GAB2: variants seen among roughly 807,000 people sequenced by gnomAD.
GAB2 encodes the protein GRB2-associated-binding protein 2.
GAB2 carries 26 observed loss-of-function variants against 65.5 expected under a neutral mutation model. The ratio of observed to expected loss-of-function variants is 0.40; its 90% CI spans 0.29 to 0.55. The LOEUF (loss-of-function observed/expected upper bound fraction) is 0.55, where lower values mean the gene tolerates loss of function less well. Among genes scored for constraint, GAB2 ranks in the 20% least tolerant of loss-of-function variants. The probability of loss-of-function intolerance (pLI) is 0.53; values close to 1 mark genes in which losing one functional copy is unlikely to be tolerated. For missense variants in GAB2, 884 were observed against 875.8 expected (o/e 1.01, Z -0.12); for synonymous variants, 321 against 329.6 (o/e 0.97, Z 0.28).
chr11:78,349,092 C>A (rs1369761318), intron 1 of GAB2, among the ~76,000 whole-genome samples: 1 of 152,176 alleles, frequency 6.6e-6, no homozygotes, highest in African/African-American at 2.4e-5. Flanking sequence ...TCTACATCTT[C>A]AATGTAGTAC....
intron 1 of GAB2, among the ~76,000 whole-genome samples, chr11:78,394,083 T>C (rs1182478924): frequency 2.6e-5 from 4 of 152,098 alleles, no homozygotes; most frequent in Non-Finnish European, 5.9e-5. Context: ...GGTCAAGAGA[T>C]CAAGACCATC....
At chr11:78,317,403 T>C (rs1251624238) in intron 1 of GAB2, among the ~76,000 whole-genome samples, 1 of 151,802 alleles carries the variant, frequency 6.6e-6, no homozygotes, top group African/African-American at 2.4e-5. Context: ...CTACTAAAAA[T>C]ACAAAAATTA....
In GAB2 at chr11:78,219,226, C is replaced by G; in HGVS notation, c.*46G>C. 6.3e-7 allele frequency: 1 copy of G among 1,585,406 alleles called. No homozygotes were observed. Among genetic ancestry groups the G allele is most frequent in the South Asian group, 1.1e-5 (1 of 89,628 alleles). ...GAGGGGAGAGGGGAGATGGGAAGGGCCAGCTCTGGAGATGCTGCCTCCTGG... is the reference window on the plus strand; with the variant it reads ...GAGGGGAGAGGGGAGATGGGAAGGGGCAGCTCTGGAGATGCTGCCTCCTGG... On this transcript the variant is annotated 3_prime_UTR_variant, in exon 10 of 10. Coordinates refer to ENST00000361507, the MANE Select transcript of GAB2 (RefSeq NM_080491.3).
intron 1 of GAB2, among the ~76,000 whole-genome samples, chr11:78,333,968 C>T (rs913411407): frequency 6.6e-6 from 1 of 152,126 alleles, no homozygotes; most frequent in Non-Finnish European, 1.5e-5. Flanking sequence ...ACCAAGTACT[C>T]CTAGACTGGC....
intron 1 of GAB2, among the ~76,000 whole-genome samples, chr11:78,352,030 G>A (rs1018429106): frequency 2.0e-5 from 3 of 152,092 alleles, no homozygotes; most frequent in Admixed American, 2.0e-4. Flanking sequence ...TGGGCAGCAC[G>A]GTGAAACCCC....
intron 1 of GAB2, among the ~76,000 whole-genome samples, chr11:78,390,792 A>G (rs1163474823): frequency 1.3e-5 from 2 of 152,242 alleles, no homozygotes; most frequent in African/African-American, 4.8e-5. Context: ...CACAGATACC[A>G]ATGTAGATAT....
At chr11:78,332,980 C>T (rs1855940862) in intron 1 of GAB2, among the ~76,000 whole-genome samples, 2 of 152,058 alleles carry the variant, frequency 1.3e-5, no homozygotes, top group Admixed American at 1.3e-4. Context: ...CTGGTGTATC[C>T]CCTATAGCAG....
chr11:78,337,020 C>A (rs1856014480), intron 1 of GAB2, among the ~76,000 whole-genome samples: 1 of 152,186 alleles, frequency 6.6e-6, no homozygotes, highest in African/African-American at 2.4e-5. Flanking sequence ...ATCTACCTAC[C>A]TTTGACTATG....
intron 1 of GAB2, among the ~76,000 whole-genome samples, chr11:78,308,388 G>T (rs1353785851): frequency 6.6e-6 from 1 of 152,122 alleles, no homozygotes; most frequent in Non-Finnish European, 1.5e-5. Flanking sequence ...GGGCATCTTT[G>T]ATGTGATTAT....
chr11:78,277,931 C>T lies in GAB2; in HGVS notation c.376+2670G>A, dbSNP rs1287083101. On this transcript the variant is annotated intron_variant, in intron 2 of 9. Transcript: ENST00000361507. ...AACATGGCTCAGTGTCTCACTCTGCCTTATGCCCTTTGGCCGAATTCTTTC... is the reference window on the plus strand; with the variant it reads ...AACATGGCTCAGTGTCTCACTCTGCTTTATGCCCTTTGGCCGAATTCTTTC... Among the ~76,000 whole-genome samples, 3 of 152,200 alleles carry T rather than the reference C, an allele frequency of 2.0e-5. No individual in the cohort carries two copies. In the East Asian group the frequency reaches 5.8e-4, roughly 29 times the overall value.
At chr11:78,382,867 A>G (rs906230344) in intron 1 of GAB2, among the ~76,000 whole-genome samples, 2 of 152,242 alleles carry the variant, frequency 1.3e-5, no homozygotes, top group Admixed American at 6.5e-5. Context: ...GATGAAAACT[A>G]GAGATTATGA....
At chr11:78,337,116 C>T (rs1368598645) in intron 1 of GAB2, among the ~76,000 whole-genome samples, 2 of 152,194 alleles carry the variant, frequency 1.3e-5, no homozygotes, top group Non-Finnish European at 2.9e-5. Context: ...CGATTAAATG[C>T]TTCTTGCTCA....
chr11:78,353,112 C>G (rs145932476), intron 1 of GAB2, among the ~76,000 whole-genome samples: 8 of 152,288 alleles, frequency 5.3e-5, no homozygotes, highest in Admixed American at 1.3e-4. Context: ...CGTGTATCTT[C>G]TCCAGCCCTA....
At chr11:78,235,015 G>A (rs912785559) in intron 3 of GAB2, among the ~76,000 whole-genome samples, 1 of 151,898 alleles carries the variant, frequency 6.6e-6, no homozygotes, top group Non-Finnish European at 1.5e-5. Flanking sequence ...TTCTCCTCCC[G>A]GGCCACCGGG....
In GAB2 at chr11:78,411,992, C is replaced by T. The variant is rs991578169; in HGVS notation, c.75+5654G>A. Among the ~76,000 whole-genome samples, 7 of 151,626 alleles carry T rather than the reference C, an allele frequency of 4.6e-5. 1 individual carries two copies. Among genetic ancestry groups the T allele is most frequent in the Middle Eastern group, 3.4e-3 (1 of 294 alleles). On this transcript the variant is annotated intron_variant, in intron 1 of 9. Coordinates refer to ENST00000361507, the MANE Select transcript of GAB2 (RefSeq NM_080491.3). ...TTGCAGTGAGCCAAGACTGTGCCACCGCACTCCAGCCTGGGTGACAGAGTG... is the reference window on the plus strand; with the variant it reads ...TTGCAGTGAGCCAAGACTGTGCCACTGCACTCCAGCCTGGGTGACAGAGTG...
At chr11:78,306,293 C>A (rs564885131) in intron 1 of GAB2, among the ~76,000 whole-genome samples, 1 of 152,084 alleles carries the variant, frequency 6.6e-6, no homozygotes, top group South Asian at 2.1e-4. Flanking sequence ...TGCAGTGGTG[C>A]GCCCTTGGCT....
At chr11:78,384,819 T>C (rs1856745635) in intron 1 of GAB2, among the ~76,000 whole-genome samples, 1 of 152,226 alleles carries the variant, frequency 6.6e-6, no homozygotes, top group South Asian at 2.1e-4. Context: ...GAGCTGTGCA[T>C]GTTCAACAGA....
chr11:78,335,281 T>C (rs1565163992), intron 1 of GAB2, among the ~76,000 whole-genome samples: 1 of 152,240 alleles, frequency 6.6e-6, no homozygotes, highest in Non-Finnish European at 1.5e-5. Context: ...TTTGGTTGTC[T>C]GTGCTTGTGG....
At chr11:78,260,461 C>T (rs1865698322) in intron 2 of GAB2, among the ~76,000 whole-genome samples, 2 of 151,550 alleles carry the variant, frequency 1.3e-5, no homozygotes, top group South Asian at 2.1e-4. Context: ...TAGAATTAAT[C>T]ATGCCTTCTA....
Sources: allele counts gnomAD v4.1 joint callset (sites outside exome capture counted in the v4.1 genomes callset), GRCh38; gene constraint gnomAD v4.1.1; transcripts MANE v1.5; gene names NCBI Gene and HGNC (gene_info 2026-07-23, HGNC 2026-07-21).